The following WIPF3 variants were observed in gnomAD, a reference collection of about 807,000 sequenced individuals.
The protein encoded by WIPF3 is WAS/WASL-interacting protein family member 3.
In WIPF3, 33 loss-of-function variants were observed where a neutral mutation model predicts 38.9. The observed-to-expected ratio is 0.85, with a 90% CI of 0.64 to 1.14. WIPF3 has a LOEUF of 1.14. Among genes scored for constraint, WIPF3 ranks in the 50% most tolerant of loss-of-function variants. The probability of loss-of-function intolerance (pLI) is 0.00; values close to 1 mark genes in which losing one functional copy is unlikely to be tolerated. For synonymous variants in WIPF3, 324 were observed against 269.3 expected, an observed-to-expected ratio of 1.20 and a Z score of -1.99; for missense variants, 711 against 652.5, an observed-to-expected ratio of 1.09 and a Z score of -0.98.
intron 5 of WIPF3, among the ~76,000 whole-genome samples, chr7:29,886,070 G>C (rs541803392): frequency 1.2e-4 from 19 of 152,106 alleles, no homozygotes; most frequent in Admixed American, 8.5e-4. Flanking sequence ...TATCTAAGTT[G>C]ATTCCATTTT....
At position 29,904,354 on chromosome 7, in the gene WIPF3, A is replaced by G; in HGVS notation, c.1420A>G (p.Asn474Asp). The G allele has an allele frequency of 2.5e-6, 4 of 1,613,940 alleles. No individual in the cohort carries two copies. Among genetic ancestry groups the G allele is most frequent in the East Asian group, 2.2e-5 (1 of 44,888 alleles). Residue 474 changes from asparagine to aspartate, a missense_variant, in exon 8 of 9, where the codon AAT becomes GAT. By Grantham distance (23) the Asn-to-Asp change is conservative (BLOSUM62 1). Transcript: ENST00000242140. ...GQSSDDIKGR[N>D]SQLSLKTLR ...GAGCTCTGATGACATCAAAGGCAGA[A>G]ATTCTCAGGTAACACAAGCCTCATG...
intron 2 of WIPF3, among the ~76,000 whole-genome samples, chr7:29,858,742 C>T (rs10263096): frequency 0.018 from 2,786 of 152,246 alleles, 88 homozygotes; most frequent in African/African-American, 0.065. Context: ...TGCTACTGTA[C>T]TTTTCAGGGA....
intron 2 of WIPF3, among the ~76,000 whole-genome samples, chr7:29,860,994 G>A (rs1785265268): frequency 6.6e-6 from 1 of 152,130 alleles, no homozygotes; most frequent in African/African-American, 2.4e-5. Context: ...GTACTAGTGG[G>A]ATATTTACAT....
At chr7:29,858,973 C>G (rs78365056) in intron 2 of WIPF3, among the ~76,000 whole-genome samples, 2,781 of 152,266 alleles carry the variant, frequency 0.018, 89 homozygotes, top group African/African-American at 0.064. Context: ...ACACTATGCT[C>G]AGTACTGGAA....
chr7:29,884,264 T>TGGCCCCCC lies in WIPF3; in HGVS notation c.770_771insGGCCCCCC (p.Pro258AlafsTer119). On this transcript the variant is annotated frameshift_variant, in exon 5 of 9. Coordinates refer to ENST00000242140, the MANE Select transcript of WIPF3 (RefSeq NM_001080529.3). LOFTEE classifies it high-confidence loss of function. Reference sequence around the variant, plus strand: ...AAGCCTCAGCTGGCTCCCTTGCACCTCCCGCCCATCCCGCCCCCGCTCCCT... The same window carrying TGGCCCCCC: ...AAGCCTCAGCTGGCTCCCTTGCACCTGGCCCCCCCCCGCCCATCCCGCCCCCGCTCCCT... 1.4e-5 allele frequency: 19 copies of TGGCCCCCC among 1,315,268 alleles called. No homozygotes were observed. Among genetic ancestry groups the TGGCCCCCC allele is most frequent in the East Asian group, 3.0e-5 (1 of 33,702 alleles). The allele number at this position is 1,315,268 out of a possible 1,614,324, so 81.5% of individuals were successfully genotyped here.
chr7:29,884,304 T>A lies in WIPF3; in HGVS notation c.810T>A (p.Cys270Ter). The A allele has an allele frequency of 7.5e-7, 1 of 1,328,046 alleles. No homozygotes were observed. Among genetic ancestry groups the A allele is most frequent in the Non-Finnish European group, 9.9e-7 (1 of 1,007,496 alleles). 82.3% of individuals were successfully genotyped at this position (1,328,046 alleles called of 1,614,324 possible). A position where few individuals can be genotyped will look rare whatever the true frequency, so the allele number is the denominator to read the frequency against. The change falls in exon 5 of 9, where the codon TGT (cysteine) becomes TGA (stop). Residue 270 changes from cysteine (C) to a stop codon, truncating the protein, a stop_gained. Coordinates refer to ENST00000242140, the MANE Select transcript of WIPF3 (RefSeq NM_001080529.3). LOFTEE classifies it high-confidence loss of function. ...CCCCGCTCCCTCTGCTCCCACCTTG[T>A]GGGTATCCGGGGCTCAAAGCGGAGC... Reference protein sequence around the residue: ...IPPPLPLLPPCGYPGLKAEPA... With the variant: ...IPPPLPLLPP
Position 29,861,206 on chromosome 7 carries a change from C to T in WIPF3, c.91-14624C>T, listed in dbSNP as rs1045693099. 2.0e-5 allele frequency among the ~76,000 whole-genome samples: 3 copies of T among 152,086 alleles called. No individual in the cohort carries two copies. The South Asian group carries it at 6.2e-4, about 32-fold the overall frequency. ...GGATTTCCCCCTACTCTGTCCCTGC[C>T]CATAGGAGATTCTCAGTGAATGTTT... On this transcript the variant is annotated intron_variant, in intron 2 of 8. Transcript: ENST00000242140.
At chr7:29,849,704 TA>T (rs955458075) in intron 2 of WIPF3, among the ~76,000 whole-genome samples, 5 of 152,024 alleles carry the variant, frequency 3.3e-5, no homozygotes, top group African/African-American at 9.6e-5. Flanking sequence ...GTTGCGGCTT[TA>T]AAAAAAAATT....
chr7:29,891,470 C>T (rs1413510041), intron 7 of WIPF3, among the ~76,000 whole-genome samples: 1 of 152,188 alleles, frequency 6.6e-6, no homozygotes, highest in Non-Finnish European at 1.5e-5. Context: ...CCCTGTGTGC[C>T]CTTTCTAATA....
At chr7:29,846,106 C>T (rs1006414967) in intron 2 of WIPF3, among the ~76,000 whole-genome samples, 1 of 152,126 alleles carries the variant, frequency 6.6e-6, no homozygotes, top group Non-Finnish European at 1.5e-5. Flanking sequence ...GCAGTTATAT[C>T]AGAAGTAACA....
chr7:29,882,068 C>T (rs920708315), intron 4 of WIPF3, among the ~76,000 whole-genome samples: 3 of 152,226 alleles, frequency 2.0e-5, no homozygotes, highest in African/African-American at 7.2e-5. Context: ...TGCCCGCCCT[C>T]GCTTCTGCTG....
chr7:29,899,944 A>G (rs1351111183), intron 7 of WIPF3, among the ~76,000 whole-genome samples: 1 of 152,126 alleles, frequency 6.6e-6, no homozygotes, highest in African/African-American at 2.4e-5. Context: ...TTTAGAGATT[A>G]GGTCTCACTC....
At position 29,884,190 on chromosome 7, in the gene WIPF3, A is replaced by G. The variant is rs1321939589; in HGVS notation, c.696A>G (p.Pro232=). 2.4e-6 allele frequency: 2 copies of G among 844,174 alleles called. No individual in the cohort carries two copies. The highest frequency in any genetic ancestry group is 1.1e-4 in the African/African-American group (2 of 18,082). 52.3% of individuals were successfully genotyped at this position (844,174 alleles called of 1,614,324 possible). Residue 232 remains proline (P), a synonymous_variant, in exon 5 of 9, where the codon CCA becomes CCG. Transcript: ENST00000242140. ...APPPPPPPPP[P]TPPPLPPASV... ...CACCTCCACCTCCGCCACCTCCCCC[A>G]ACGCCACCCCCGCTGCCCCCGGCCT...
chr7:29,832,234 A>G (rs1279840043), intron 1 of WIPF3, among the ~76,000 whole-genome samples: 1 of 152,248 alleles, frequency 6.6e-6, no homozygotes, highest in African/African-American at 2.4e-5. Flanking sequence ...ACTGAATAAA[A>G]GATCATAAAA....
chr7:29,848,205 A>G lies in WIPF3; in HGVS notation c.90+13391A>G, dbSNP rs556234021. On this transcript the variant is annotated intron_variant, in intron 2 of 8. Coordinates refer to ENST00000242140, the MANE Select transcript of WIPF3 (RefSeq NM_001080529.3). ...CACATGGGTGCAGCTATAGGACTGT[A>G]ACTGCTAAAGCTAGCAACAAATACA... Among the ~76,000 whole-genome samples, 7 of 152,306 alleles carry G rather than the reference A, an allele frequency of 4.6e-5. 1 individual carries two copies. The South Asian group carries it at 1.0e-3, about 23-fold the overall frequency.
At chr7:29,914,401 G>C in intron 8 of WIPF3, 92 bp from the exon 9 acceptor site, 1 of 1,083,178 alleles carries the variant, frequency 9.2e-7, no homozygotes, top group South Asian at 2.2e-5. Context: ...GAAGCTTCGG[G>C]GCCCAGCCTG....
At chr7:29,887,273 G>A (rs1243910396) in intron 5 of WIPF3, among the ~76,000 whole-genome samples, 1 of 152,210 alleles carries the variant, frequency 6.6e-6, no homozygotes, top group East Asian at 1.9e-4. Context: ...GGTAGTAGTT[G>A]TGAACATCTT....
intron 2 of WIPF3, among the ~76,000 whole-genome samples, chr7:29,855,004 T>C (rs1785165375): frequency 6.6e-6 from 1 of 152,170 alleles, no homozygotes; most frequent in Admixed American, 6.5e-5. Flanking sequence ...CACTCAGTCT[T>C]TGTACTTTGT....
At chr7:29,889,442 C>T in intron 7 of WIPF3, 35 bp downstream of exon 7, 1 of 1,553,672 alleles carries the variant, frequency 6.4e-7, no homozygotes, top group Non-Finnish European at 8.9e-7. Flanking sequence ...CTGGCATCTC[C>T]CGACCCTTCA....
Sources: gnomAD v4.1 joint callset for allele counts (sites outside exome capture counted in the v4.1 genomes callset) on GRCh38, gnomAD v4.1.1 for gene constraint, MANE v1.5 for transcripts, NCBI Gene and HGNC (gene_info 2026-07-23, HGNC 2026-07-21) for gene names.